MDGA2: variants seen among roughly 807,000 people sequenced by gnomAD.
The protein encoded by MDGA2 is MAM domain-containing glycosylphosphatidylinositol anchor protein 2.
A neutral mutation model predicts 117.8 loss-of-function variants in MDGA2; 40 were observed. That is an observed-to-expected ratio of 0.34 (90% CI 0.26 to 0.44). The LOEUF is 0.44. Ranked by LOEUF, MDGA2 falls within the 20% of genes least tolerant of loss-of-function variation. The pLI is 1.00. For synonymous variants in MDGA2, 452 were observed against 439.0 expected (o/e 1.03, Z -0.37); for missense variants, 1,123 against 1,250.6 (o/e 0.90, Z 1.54).
intron 4 of MDGA2, among the ~76,000 whole-genome samples, chr14:47,143,798 A>G (rs1245377203): frequency 1.3e-5 from 2 of 152,192 alleles, no homozygotes; most frequent in African/African-American, 4.8e-5. Flanking sequence ...ATAACTATGT[A>G]CATTATAGTG....
chr14:47,520,464 A>G (rs1031665050), intron 1 of MDGA2, among the ~76,000 whole-genome samples: 7 of 152,202 alleles, frequency 4.6e-5, no homozygotes, highest in Non-Finnish European at 7.4e-5. Context: ...GTAAAACTGC[A>G]TATTATGAAC....
At chr14:47,366,901 G>GTTTTTTTTTTTTTTTTTTTTTTTTTTTTT (rs748665154) in intron 1 of MDGA2, among the ~76,000 whole-genome samples, 19 of 122,688 alleles carry the variant, frequency 1.5e-4, no homozygotes, top group African/African-American at 5.4e-4. Context: ...ATTACTTTTA[G>GTTTTTTTTTTTTTTTTTTTTTTTTTTTTT]TTTGACTTTG....
At chr14:47,602,246 A>G (rs1170791263) in intron 1 of MDGA2, among the ~76,000 whole-genome samples, 3 of 152,164 alleles carry the variant, frequency 2.0e-5, no homozygotes, top group Non-Finnish European at 2.9e-5. Flanking sequence ...AAAGTGCCCT[A>G]TGAGTGCCAG....
At chr14:47,362,505 T>C (rs1306610437) in intron 1 of MDGA2, among the ~76,000 whole-genome samples, 3 of 152,288 alleles carry the variant, frequency 2.0e-5, no homozygotes, top group African/African-American at 7.2e-5. Context: ...CTTAATATTA[T>C]CCAGCTATTT....
At chr14:47,665,404 G>C (rs575379718) in intron 1 of MDGA2, among the ~76,000 whole-genome samples, 1 of 152,060 alleles carries the variant, frequency 6.6e-6, no homozygotes, top group South Asian at 2.1e-4. Flanking sequence ...CACAACCCTC[G>C]CTTACTCTCT....
chr14:47,067,822 T>C (rs1268958574), intron 6 of MDGA2, among the ~76,000 whole-genome samples: 3 of 152,178 alleles, frequency 2.0e-5, no homozygotes, highest in African/African-American at 7.2e-5. Flanking sequence ...ATAAAAAGTA[T>C]ATGCAGTGTT....
At chr14:46,856,180 A>G (rs1881261341) in intron 14 of MDGA2, among the ~76,000 whole-genome samples, 1 of 152,086 alleles carries the variant, frequency 6.6e-6, no homozygotes, top group Non-Finnish European at 1.5e-5. Flanking sequence ...CACAAGCAGG[A>G]TTTGAACTCA....
At chr14:47,600,067 AGAC>A (rs1489257872) in intron 1 of MDGA2, among the ~76,000 whole-genome samples, 2 of 152,072 alleles carry the variant, frequency 1.3e-5, no homozygotes, top group African/African-American at 4.8e-5. Flanking sequence ...ATAGCCATAT[AGAC>A]GACATGGCTA....
At chr14:47,137,175 T>C (rs1882497754) in intron 4 of MDGA2, among the ~76,000 whole-genome samples, 1 of 152,160 alleles carries the variant, frequency 6.6e-6, no homozygotes, top group African/African-American at 2.4e-5. Flanking sequence ...CAAAAGAGAA[T>C]TTGTGCTACT....
intron 5 of MDGA2, among the ~76,000 whole-genome samples, chr14:47,113,701 C>A (rs1881169337): frequency 6.6e-6 from 1 of 152,126 alleles, no homozygotes. Context: ...TGATAAAATT[C>A]AACATCCCTT....
At chr14:46,972,749 T>C (rs1170944737) in intron 8 of MDGA2, among the ~76,000 whole-genome samples, 1 of 152,102 alleles carries the variant, frequency 6.6e-6, no homozygotes, top group Non-Finnish European at 1.5e-5. Context: ...AATGGCATAA[T>C]TATTGAAAGA....
intron 1 of MDGA2, among the ~76,000 whole-genome samples, chr14:47,645,584 G>A (rs1251916458): frequency 1.3e-5 from 2 of 151,604 alleles, no homozygotes; most frequent in African/African-American, 2.4e-5. Context: ...AAGAAAATTC[G>A]TATAATTCTT....
chr14:47,233,167 T>A (rs1299585698), intron 2 of MDGA2, among the ~76,000 whole-genome samples: 1 of 152,110 alleles, frequency 6.6e-6, no homozygotes, highest in Admixed American at 6.6e-5. Context: ...AGTTCATCTA[T>A]CCATGTAAAG....
At position 47,329,938 on chromosome 14, in the gene MDGA2, T is replaced by C. The variant is rs183617867; in HGVS notation, c.281-28388A>G. On this transcript the variant is annotated intron_variant, in intron 1 of 16. Coordinates refer to ENST00000399232, the MANE Select transcript of MDGA2 (RefSeq NM_001113498.3). The stretch of plus-strand genomic sequence containing the variant: ...TAGAAAGTGGGGAAAAAATCCTCTA[T>C]ATTTAGAAAGAGAGAAAGAAAGCAA... 7.2e-5 allele frequency among the ~76,000 whole-genome samples: 11 copies of C among 152,076 alleles called. No individual in the cohort carries two copies. In the East Asian group the frequency reaches 2.1e-3, roughly 29 times the overall value.
intron 1 of MDGA2, among the ~76,000 whole-genome samples, chr14:47,342,038 A>C (rs1005444131): frequency 6.6e-6 from 1 of 151,768 alleles, no homozygotes; most frequent in Non-Finnish European, 1.5e-5. Context: ...CAGGTAGTAG[A>C]GACAGGTGCA....
At chr14:46,888,177 C>T (rs1882742167) in intron 10 of MDGA2, among the ~76,000 whole-genome samples, 2 of 151,862 alleles carry the variant, frequency 1.3e-5, no homozygotes. Context: ...GCAGAATAAG[C>T]AATTAAATAC....
chr14:47,115,618 T>C (rs1208579586), intron 5 of MDGA2, among the ~76,000 whole-genome samples: 1 of 151,928 alleles, frequency 6.6e-6, no homozygotes, highest in Non-Finnish European at 1.5e-5. Flanking sequence ...TAAAAAGAAA[T>C]GTATCATTCA....
At chr14:47,093,158 C>G (rs1041171) in intron 6 of MDGA2, among the ~76,000 whole-genome samples, 129,011 of 151,872 alleles carry the variant, frequency 0.85, 55,216 homozygotes, top group East Asian at 0.97. Flanking sequence ...CTTACTTCAG[C>G]TCTCCAGCCA....
intron 10 of MDGA2, among the ~76,000 whole-genome samples, chr14:46,890,330 G>T (rs1046581451): frequency 1.3e-5 from 2 of 152,052 alleles, no homozygotes; most frequent in Non-Finnish European, 2.9e-5. Context: ...TGAGAGAGCA[G>T]TTAATAAAGA....
Sources: gnomAD v4.1 joint callset for allele counts (sites outside exome capture counted in the v4.1 genomes callset) on GRCh38, gnomAD v4.1.1 for gene constraint, MANE v1.5 for transcripts, NCBI Gene and HGNC (gene_info 2026-07-23, HGNC 2026-07-21) for gene names.